RILPL1: variants seen among roughly 807,000 people sequenced by gnomAD.
RILPL1 encodes the protein Rab interacting lysosomal protein like 1.
Under a neutral mutation model 50.3 loss-of-function variants are expected in RILPL1, and 33 were observed. The ratio of observed to expected loss-of-function variants is 0.66; its 90% confidence interval spans 0.50 to 0.88. RILPL1 has a LOEUF of 0.88. Ranked by LOEUF, RILPL1 falls within the 40% of genes least tolerant of loss-of-function variation. RILPL1 has a pLI of 0.00. For synonymous variants in RILPL1, 205 were observed against 228.6 expected (o/e 0.90, Z 0.93); for missense variants, 418 against 542.5 (o/e 0.77, Z 2.28).
chr12:123,504,925 C>T (rs780948090), intron 2 of RILPL1, among the ~76,000 whole-genome samples: 8 of 152,188 alleles, frequency 5.3e-5, no homozygotes, highest in African/African-American at 7.2e-5. Context: ...TGTGTCACCA[C>T]GGGGCAGACT....
At chr12:123,488,767 G>A (rs1882509449) in intron 4 of RILPL1, among the ~76,000 whole-genome samples, 1 of 152,226 alleles carries the variant, frequency 6.6e-6, no homozygotes, top group Non-Finnish European at 1.5e-5. Context: ...CCTCCATGCA[G>A]TGGGAAACTG....
intron 4 of RILPL1, among the ~76,000 whole-genome samples, chr12:123,495,721 C>T (rs1203069914): frequency 9.1e-5 from 13 of 142,526 alleles, no homozygotes; most frequent in African/African-American, 2.9e-4. Context: ...CGCTCCGTTG[C>T]CCAGGCTGGA....
At chr12:123,501,147 A>G (rs1883356938) in intron 2 of RILPL1, among the ~76,000 whole-genome samples, 1 of 151,554 alleles carries the variant, frequency 6.6e-6, no homozygotes, top group African/African-American at 2.4e-5. Context: ...ATAAAATAAA[A>G]TAAAAGATGG....
At chr12:123,504,738 G>GTTTTCATATATGTAAA (rs1277338277) in intron 2 of RILPL1, among the ~76,000 whole-genome samples, 1 of 152,106 alleles carries the variant, frequency 6.6e-6, no homozygotes, top group Non-Finnish European at 1.5e-5. Flanking sequence ...TCTAACATCA[G>GTTTTCATATATGTAAA]TCTCATTTTA....
chr12:123,516,461 T>C (rs1305070473), intron 2 of RILPL1, among the ~76,000 whole-genome samples: 1 of 152,242 alleles, frequency 6.6e-6, no homozygotes, highest in East Asian at 1.9e-4. Context: ...CCTGCTGAGA[T>C]CACAGCCCTG....
In RILPL1 at chr12:123,523,500, T is replaced by C; in HGVS notation, c.455A>G (p.His152Arg). 6.2e-7 allele frequency: 1 copy of C among 1,614,026 alleles called. No homozygotes were observed. The highest frequency in any genetic ancestry group is 8.5e-7 in the Non-Finnish European group (1 of 1,179,900). The change falls in exon 2 of 7, where the codon CAT becomes CGT. Residue 152 changes from histidine to arginine, a missense_variant. Coordinates refer to ENST00000376874, the MANE Select transcript of RILPL1 (RefSeq NM_178314.5). ...TGGCGCCGACCCCCACTTACCTTCA[T>C]GCTTCTGGAACTCCTCCTCTGAGAA... Reference protein sequence around the residue: ...VNFSEEEFQKHEGMSERERQV... With the variant: ...VNFSEEEFQKREGMSERERQV...
chr12:123,518,124 G>A (rs970047945), intron 2 of RILPL1, among the ~76,000 whole-genome samples: 34 of 152,154 alleles, frequency 2.2e-4, no homozygotes, highest in African/African-American at 7.7e-4. Flanking sequence ...AGTTTTGTGA[G>A]AGAAAAGAGT....
At chr12:123,476,546 T>C (rs1016811739) in intron 6 of RILPL1, among the ~76,000 whole-genome samples, 5 of 151,816 alleles carry the variant, frequency 3.3e-5, no homozygotes, top group African/African-American at 1.2e-4. Context: ...CTGGTATCCT[T>C]ATAAAAGGGG....
chr12:123,512,925 C>CGTCTGTGTGTGTGGTGTGTG (rs1884451003), intron 2 of RILPL1, among the ~76,000 whole-genome samples: 1 of 66,044 alleles, frequency 1.5e-5, no homozygotes, highest in African/African-American at 6.3e-5. Context: ...TGTGTGGTGA[C>CGTCTGTGTGTGTGGTGTGTG]ATCTGTGTGT....
At chr12:123,513,049 T>G (rs1344724428) in intron 2 of RILPL1, among the ~76,000 whole-genome samples, 3 of 136,956 alleles carry the variant, frequency 2.2e-5, no homozygotes, top group African/African-American at 8.5e-5. Context: ...TGTGTGAGGT[T>G]TGTGTGTGAG....
intron 1 of RILPL1, among the ~76,000 whole-genome samples, chr12:123,528,749 A>G (rs1470469743): frequency 6.6e-6 from 1 of 152,102 alleles, no homozygotes; most frequent in Non-Finnish European, 1.5e-5. Flanking sequence ...TTGTTACAGC[A>G]GCCACAGGGA....
intron 4 of RILPL1, among the ~76,000 whole-genome samples, chr12:123,496,266 G>A (rs1426042146): frequency 6.6e-6 from 1 of 151,700 alleles, no homozygotes; most frequent in Non-Finnish European, 1.5e-5. Flanking sequence ...TGCCTGCCTC[G>A]GTCTCCCAAA....
chr12:123,479,754 G>A (rs1008855479), intron 6 of RILPL1, among the ~76,000 whole-genome samples: 1 of 152,130 alleles, frequency 6.6e-6, no homozygotes, highest in Non-Finnish European at 1.5e-5. Flanking sequence ...TCGCTCTCTC[G>A]TCTTTCTCTG....
chr12:123,526,317 T>TAA (rs58426654), intron 1 of RILPL1, among the ~76,000 whole-genome samples: 2 of 151,402 alleles, frequency 1.3e-5, no homozygotes, highest in African/African-American at 4.9e-5. Context: ...AAAAATAAAA[T>TAA]TAAAATAAAA....
At chr12:123,509,011 CCT>C (rs1593578424) in intron 2 of RILPL1, among the ~76,000 whole-genome samples, 3 of 152,198 alleles carry the variant, frequency 2.0e-5, no homozygotes, top group East Asian at 1.9e-4. Context: ...CATGGTGAAA[CCT>C]CTCGTCTCTA....
intron 1 of RILPL1, among the ~76,000 whole-genome samples, chr12:123,528,721 C>T (rs962081182): frequency 4.6e-5 from 7 of 152,074 alleles, no homozygotes; most frequent in South Asian, 2.1e-4. Flanking sequence ...CCACCGCGCC[C>T]GACCAGTTTG....
At chr12:123,524,461 T>C (rs1293997634) in intron 1 of RILPL1, among the ~76,000 whole-genome samples, 2 of 152,094 alleles carry the variant, frequency 1.3e-5, no homozygotes, top group East Asian at 1.9e-4. Flanking sequence ...ATGAACACAA[T>C]GTCCACATGA....
rs776377146 is a variant in RILPL1, at chr12:123,484,248, T to G, written c.999A>C (p.Arg333=). 1 of 1,609,876 alleles carries G rather than the reference T, an allele frequency of 6.2e-7. No individual in the cohort carries two copies. Among genetic ancestry groups the G allele is most frequent in the African/African-American group, 1.3e-5 (1 of 74,980 alleles). ...YKSEEMEEEN[R]IPQPPPIAHP... is the part of the protein sequence containing the mutation. The stretch of plus-strand genomic sequence containing the variant: ...GGGCGATGGGTGGGGGTTGGGGTAT[T>G]CGGTTTTCCTCTTCCATTTCTTCAC... Residue 333 remains arginine, a synonymous_variant, in exon 6 of 7, where the codon CGA becomes CGC. Coordinates refer to ENST00000376874, the MANE Select transcript of RILPL1 (RefSeq NM_178314.5).
intron 2 of RILPL1, among the ~76,000 whole-genome samples, chr12:123,503,158 T>C (rs1883507998): frequency 6.8e-6 from 1 of 147,538 alleles, no homozygotes; most frequent in Non-Finnish European, 1.5e-5. Flanking sequence ...AGTGCTGGGA[T>C]TTACAGGCGT....
Sources: allele counts gnomAD v4.1 joint callset (sites outside exome capture counted in the v4.1 genomes callset), GRCh38; gene constraint gnomAD v4.1.1; transcripts MANE v1.5; gene names NCBI Gene and HGNC (gene_info 2026-07-23, HGNC 2026-07-21).